TMEM117: variants seen among roughly 807,000 people sequenced by gnomAD.
The protein encoded by TMEM117 is transmembrane protein 117.
Under a neutral mutation model 52.4 loss-of-function variants are expected in TMEM117, and 27 were observed. The ratio of observed to expected loss-of-function variants is 0.51; its 90% CI spans 0.38 to 0.71. The LOEUF (loss-of-function observed/expected upper bound fraction) is 0.71, where lower values mean the gene tolerates loss of function less well. Ranked by LOEUF, TMEM117 falls within the 30% of genes least tolerant of loss-of-function variation. The probability of loss-of-function intolerance (pLI) is 0.00; values close to 1 mark genes in which losing one functional copy is unlikely to be tolerated. For synonymous variants in TMEM117, 215 were observed against 206.3 expected (o/e 1.04, Z -0.36); for missense variants, 556 against 630.5 (o/e 0.88, Z 1.26).
At chr12:44,066,968 C>T (rs1308072129) in intron 3 of TMEM117, among the ~76,000 whole-genome samples, 1 of 152,170 alleles carries the variant, frequency 6.6e-6, no homozygotes, top group East Asian at 1.9e-4. Flanking sequence ...GCTTCTTTGT[C>T]AACTAAATTT....
At chr12:43,861,315 T>C (rs1466392351) in intron 2 of TMEM117, among the ~76,000 whole-genome samples, 1 of 151,830 alleles carries the variant, frequency 6.6e-6, no homozygotes, top group Non-Finnish European at 1.5e-5. Flanking sequence ...GGGGAGGGGG[T>C]TGTAGAGATG....
intron 3 of TMEM117, among the ~76,000 whole-genome samples, chr12:43,989,068 G>A (rs1423594960): frequency 6.6e-6 from 1 of 152,036 alleles, no homozygotes; most frequent in African/African-American, 2.4e-5. Flanking sequence ...TGTTTACTGT[G>A]GGCAAGGGAA....
chr12:43,908,527 C>T (rs1944433742), intron 2 of TMEM117, among the ~76,000 whole-genome samples: 1 of 149,786 alleles, frequency 6.7e-6, no homozygotes, highest in Non-Finnish European at 1.5e-5. Context: ...TGGCTAAATG[C>T]TCCAATTAAA....
At chr12:43,895,458 T>C (rs866126884) in intron 2 of TMEM117, among the ~76,000 whole-genome samples, 2 of 152,228 alleles carry the variant, frequency 1.3e-5, no homozygotes, top group African/African-American at 4.8e-5. Flanking sequence ...GCAATGAACA[T>C]ATGCGTGCAT....
chr12:43,919,332 C>T (rs1275908410), intron 2 of TMEM117, among the ~76,000 whole-genome samples: 2 of 152,256 alleles, frequency 1.3e-5, no homozygotes, highest in East Asian at 3.9e-4. Flanking sequence ...CACCCTTGTA[C>T]TCTCTGTTCT....
In TMEM117 at chr12:44,030,459, C is replaced by T. The variant is rs183952926; in HGVS notation, c.410+86117C>T. On this transcript the variant is annotated intron_variant, in intron 3 of 7. Coordinates refer to ENST00000266534, the MANE Select transcript of TMEM117 (RefSeq NM_032256.3). ...TACATAATTAAAATCGCTTACTAAC[C>T]AGGATTTTCACCAAAAGTAAAAGTC... Among the ~76,000 whole-genome samples, 771 of 152,284 alleles carry T rather than the reference C, an allele frequency of 5.1e-3. 7 individuals carry two copies. Among genetic ancestry groups the T allele is most frequent in the African/African-American group, 0.018 (729 of 41,546 alleles).
chr12:43,905,014 A>G (rs553916772), intron 2 of TMEM117, among the ~76,000 whole-genome samples: 59 of 152,134 alleles, frequency 3.9e-4, no homozygotes, highest in Admixed American at 2.9e-3. Context: ...GTGGTGGTGC[A>G]TGCTTGTAAT....
chr12:43,957,948 G>A (rs1166021889), intron 3 of TMEM117, among the ~76,000 whole-genome samples: 1 of 152,152 alleles, frequency 6.6e-6, no homozygotes, highest in Admixed American at 6.5e-5. Flanking sequence ...GCAGCAAAAG[G>A]CATGTTTTCA....
chr12:44,145,216 G>C (rs993367289), intron 4 of TMEM117, among the ~76,000 whole-genome samples: 1 of 152,148 alleles, frequency 6.6e-6, no homozygotes, highest in African/African-American at 2.4e-5. Context: ...TTTAGGAGGA[G>C]ATACATAAAC....
At chr12:43,824,711 G>A in the TMEM117 span, among the ~76,000 whole-genome samples, 3 of 152,122 alleles carry the variant, frequency 2.0e-5, no homozygotes, top group African/African-American at 4.8e-5. Context: ...CGAGGCAGGC[G>A]GATCATGAGG....
chr12:43,971,871 C>T (rs967050226), intron 3 of TMEM117, among the ~76,000 whole-genome samples: 5 of 152,170 alleles, frequency 3.3e-5, no homozygotes, highest in African/African-American at 7.2e-5. Flanking sequence ...TCTTGAATAA[C>T]GAAAACCTTA....
In TMEM117 at chr12:44,055,629, T is replaced by C. The variant is rs78381308; in HGVS notation, c.411-87896T>C. ...TCTTTTTGTGTCTCCATTTTCCTCA[T>C]TTGTAAAGTGGTAATAATATCATTT... On this transcript the variant is annotated intron_variant, in intron 3 of 7. Transcript: ENST00000266534. Among the ~76,000 whole-genome samples the C allele has an allele frequency of 1.7e-3, 265 of 152,266 alleles. 5 individuals carry two copies. In the East Asian group the frequency reaches 0.042, roughly 24 times the overall value.
At chr12:44,377,860 T>A (rs932428567) in intron 7 of TMEM117, among the ~76,000 whole-genome samples, 2 of 152,232 alleles carry the variant, frequency 1.3e-5, no homozygotes, top group African/African-American at 4.8e-5. Flanking sequence ...GGAGGCTGTT[T>A]TTTGCTTTAA....
At chr12:44,242,414 T>A (rs1246414772) in intron 5 of TMEM117, among the ~76,000 whole-genome samples, 1 of 151,924 alleles carries the variant, frequency 6.6e-6, no homozygotes, top group Non-Finnish European at 1.5e-5. Flanking sequence ...CCTGAGTTAG[T>A]TTGCTAAGGA....
chr12:44,185,917 T>TACAC (rs1949272162), intron 4 of TMEM117, among the ~76,000 whole-genome samples: 4 of 125,702 alleles, frequency 3.2e-5, no homozygotes, highest in Non-Finnish European at 7.1e-5. Flanking sequence ...CACACACACG[T>TACAC]GCTCCTACTT....
chr12:44,082,387 G>A (rs1032801423), intron 3 of TMEM117, among the ~76,000 whole-genome samples: 2 of 151,936 alleles, frequency 1.3e-5, no homozygotes, highest in African/African-American at 4.8e-5. Context: ...GGGTTCTATA[G>A]CTACTGTTTT....
intron 3 of TMEM117, among the ~76,000 whole-genome samples, chr12:44,119,485 C>T (rs559591846): frequency 6.6e-5 from 10 of 152,228 alleles, no homozygotes; most frequent in Admixed American, 5.2e-4. Context: ...TTCATGAGCC[C>T]CAGCTTTGAT....
chr12:43,953,563 CATA>C (rs541196914), intron 3 of TMEM117, among the ~76,000 whole-genome samples: 14 of 152,118 alleles, frequency 9.2e-5, no homozygotes, highest in Non-Finnish European at 1.9e-4. Flanking sequence ...AAGGGCATTA[CATA>C]ATGTTAAAAG....
At chr12:43,808,666 C>A in the TMEM117 span, among the ~76,000 whole-genome samples, 1 of 151,854 alleles carries the variant, frequency 6.6e-6, no homozygotes, top group Non-Finnish European at 1.5e-5. Context: ...TACTACTAGG[C>A]CAAGTGGGAT....
Sources: gnomAD v4.1 joint callset for allele counts (sites outside exome capture counted in the v4.1 genomes callset) on GRCh38, gnomAD v4.1.1 for gene constraint, MANE v1.5 for transcripts, NCBI Gene and HGNC (gene_info 2026-07-23, HGNC 2026-07-21) for gene names.